SOX30: variants seen among roughly 807,000 people sequenced by gnomAD.
SOX30 encodes the protein transcription factor SOX-30.
In SOX30, 17 loss-of-function variants were observed where a neutral mutation model predicts 58.6. That is an observed-to-expected ratio of 0.29 (90% CI 0.20 to 0.44). The LOEUF is 0.44. SOX30 is among the 20% of genes least tolerant of loss of function. SOX30 has a pLI of 1.00. For missense variants in SOX30, 951 were observed against 965.8 expected (o/e 0.98, Z 0.20); for synonymous variants, 421 against 400.2 (o/e 1.05, Z -0.62).
intron 4 of SOX30, among the ~76,000 whole-genome samples, chr5:157,632,413 T>C (rs1430662207): frequency 1.3e-5 from 2 of 152,168 alleles, no homozygotes; most frequent in Admixed American, 6.5e-5. Context: ...TTAGGTCTCA[T>C]TGGATTTCCA....
Position 157,651,307 on chromosome 5 carries a change from G to T in SOX30, c.772C>A (p.Leu258Ile). 1 of 1,614,144 alleles carries T rather than the reference G, an allele frequency of 6.2e-7. No individual in the cohort carries two copies. Among genetic ancestry groups the T allele is most frequent in the Non-Finnish European group, 8.5e-7 (1 of 1,180,044 alleles). Residue 258 changes from leucine (L) to isoleucine (I), a missense_variant, in exon 1 of 5, where the codon CTT (leucine) becomes ATT (isoleucine). Leu to Ile is a conservative substitution (Grantham distance 5, BLOSUM62 2). Transcript: ENST00000265007. ...GTGTGGAGCGTCAAAGGGATCCTAA[G>T]GTCTTGCTGGTGCGGCCCAAAGGCA... The part of the protein sequence containing the change: ...SGAFGPHQQD[L>I]RIPLTLHTVP...
At chr5:157,632,363 T>C (rs960149106) in intron 4 of SOX30, among the ~76,000 whole-genome samples, 10 of 152,206 alleles carry the variant, frequency 6.6e-5, no homozygotes, top group Non-Finnish European at 1.3e-4. Flanking sequence ...TGTGCGTAGC[T>C]CTCTTTTCTC....
At chr5:157,654,690 C>G (rs551641951), upstream of SOX30, among the ~76,000 whole-genome samples, 1 of 152,262 alleles carries the variant, frequency 6.6e-6, no homozygotes, top group South Asian at 2.1e-4. Flanking sequence ...TCATAAAAAC[C>G]TTGCTGATAA....
chr5:157,657,408 A>G (rs1759496885), upstream of SOX30, among the ~76,000 whole-genome samples: 2 of 152,216 alleles, frequency 1.3e-5, no homozygotes, highest in Admixed American at 1.3e-4. Context: ...ATCCTCTTCA[A>G]AAGTTGGTTT....
chr5:157,666,934 G>T (rs948658362), intron 2 of SOX30, among the ~76,000 whole-genome samples: 6 of 152,116 alleles, frequency 3.9e-5, no homozygotes, highest in Non-Finnish European at 8.8e-5. Flanking sequence ...TCCAACTTCT[G>T]ACCTCAGGTA....
intron 2 of SOX30, among the ~76,000 whole-genome samples, chr5:157,664,908 A>C (rs1759643057): frequency 6.6e-6 from 1 of 152,252 alleles, no homozygotes; most frequent in Admixed American, 6.5e-5. Context: ...ATACCGTCTC[A>C]CACCAGTTAG....
intron 1 of SOX30, 78 bp downstream of exon 1, chr5:157,651,034 A>G: frequency 1.8e-6 from 2 of 1,089,300 alleles, no homozygotes; most frequent in South Asian, 3.1e-5. Flanking sequence ...TGTAGTTTAG[A>G]CTTGGGAACT....
Position 157,651,750 on chromosome 5 carries a change from A to C in SOX30, c.329T>G (p.Leu110Arg). 3 of 1,556,326 alleles carry C rather than the reference A, an allele frequency of 1.9e-6. No homozygotes were observed. Among genetic ancestry groups the C allele is most frequent in the South Asian group, 2.3e-5 (2 of 85,952 alleles). Residue 110 changes from leucine to arginine, a missense_variant, in exon 1 of 5, where the codon CTG becomes CGG. This residue lies in a region of SOX30 where 363 missense variants were observed against 294.5 expected (regional missense o/e 1.23). Transcript: ENST00000265007. The stretch of plus-strand genomic sequence containing the variant: ...GCCGTCTGACGCTGTCGGCGGCTGC[A>C]GGAGCCGCAGGTCGGGCCTGAACTG... ...LLQFRPDLRLLQPPTASDGAT... is the reference protein window; with the variant it reads ...LLQFRPDLRLRQPPTASDGAT...
rs990418482 is a variant in SOX30, at chr5:157,652,152, T to G, written c.-74A>C. On this transcript the variant is annotated 5_prime_UTR_variant, in exon 1 of 5. Transcript: ENST00000265007. ...GCGACCTTCCCCCTCCCCCTTTCGG[T>G]TAAGAGCCTTGCAAGGCCTTTGCTA... 2 of 1,379,104 alleles carry G rather than the reference T, an allele frequency of 1.5e-6. No individual in the cohort carries two copies. Among genetic ancestry groups the G allele is most frequent in the African/African-American group, 1.5e-5 (1 of 65,312 alleles). The allele number at this position is 1,379,104 out of a possible 1,614,324, so 85.4% of individuals were successfully genotyped here. A position where few individuals can be genotyped will look rare whatever the true frequency, so the allele number is the denominator to read the frequency against.
At chr5:157,648,608 T>C in intron 2 of SOX30, 49 bp downstream of exon 2, 1 of 1,562,690 alleles carries the variant, frequency 6.4e-7, no homozygotes, top group Non-Finnish European at 8.7e-7. Context: ...AATCTTTAAC[T>C]AAATAAATTC....
At position 157,652,275 on chromosome 5, in the gene SOX30, C is replaced by T. The variant is rs940664172; in HGVS notation, c.-197G>A. 5 of 1,251,328 alleles carry T rather than the reference C, an allele frequency of 4.0e-6. No homozygotes were observed. The highest frequency in any genetic ancestry group is 1.6e-5 in the African/African-American group (1 of 64,476). 77.5% of individuals were successfully genotyped at this position (1,251,328 alleles called of 1,614,324 possible). A position where few individuals can be genotyped will look rare whatever the true frequency, so the allele number is the denominator to read the frequency against. On this transcript the variant is annotated 5_prime_UTR_variant, in exon 1 of 5. Coordinates refer to ENST00000265007, the MANE Select transcript of SOX30 (RefSeq NM_178424.2). ...GGACGGCCAATCACAGGCGGGTTTT[C>T]CGGCTCTTCCTGGTCCCTACTCTCG...
At chr5:157,635,020 T>A (rs1758893473) in intron 4 of SOX30, among the ~76,000 whole-genome samples, 1 of 152,234 alleles carries the variant, frequency 6.6e-6, no homozygotes, top group African/African-American at 2.4e-5. Context: ...CAATTAATTT[T>A]GGCATTTAGG....
intron 4 of SOX30, among the ~76,000 whole-genome samples, chr5:157,637,496 A>G (rs1414791346): frequency 6.6e-6 from 1 of 152,162 alleles, no homozygotes; most frequent in Non-Finnish European, 1.5e-5. Flanking sequence ...CAGGCGTACT[A>G]TACTCCCATA....
rs776396629 is a variant in SOX30 at position 157,638,301 on chromosome 5, C to G, written c.1809G>C (p.Leu603=). 67 of 1,604,612 alleles carry G rather than the reference C, an allele frequency of 4.2e-5. No individual in the cohort carries two copies. The highest frequency in any genetic ancestry group is 1.1e-5 in the Non-Finnish European group (13 of 1,174,756). The change falls in exon 4 of 5, where the codon CTG becomes CTC. Residue 603 remains leucine, a synonymous_variant. Transcript: ENST00000265007. ...AAGAGAATCTTGGTGGTGTCCCGAA[C>G]AGTGTGGCTGGATGGCCAAGGGGAG... ...QPPPLGHPAT[L]FGTPPRFSFH...
chr5:157,654,782 T>C (rs1179904595), upstream of SOX30, among the ~76,000 whole-genome samples: 1 of 152,166 alleles, frequency 6.6e-6, no homozygotes, highest in Admixed American at 6.5e-5. Context: ...TCCTCACTAC[T>C]ACACTCACAC....
chr5:157,659,206 T>C (rs1759532903), intron 2 of SOX30, among the ~76,000 whole-genome samples: 3 of 152,268 alleles, frequency 2.0e-5, no homozygotes, highest in Admixed American at 1.3e-4. Context: ...CACTTTACTC[T>C]GTGGACTCAT....
Position 157,629,251 on chromosome 5 carries a change from C to T in SOX30, c.1881-2530G>A, listed in dbSNP as rs115078002. Among the ~76,000 whole-genome samples the T allele has an allele frequency of 3.8e-3, 576 of 152,140 alleles. 8 individuals are homozygous for T. Among genetic ancestry groups the T allele is most frequent in the South Asian group, 0.023 (110 of 4,818 alleles). On this transcript the variant is annotated intron_variant, in intron 4 of 4. Coordinates refer to ENST00000265007, the MANE Select transcript of SOX30 (RefSeq NM_178424.2). ...TTACACATTTTATACATATTTATGA[C>T]AAGTACCCCATAAATACGTAAAATG... is the stretch of plus-strand genomic sequence containing the variant.
chr5:157,631,047 TTATATA>T (rs755427047), intron 4 of SOX30, among the ~76,000 whole-genome samples: 166 of 53,106 alleles, frequency 3.1e-3, no homozygotes, highest in Non-Finnish European at 5.0e-3. Flanking sequence ...TATATATATT[TTATATA>T]TATATATATA....
intron 4 of SOX30, among the ~76,000 whole-genome samples, chr5:157,628,077 G>A (rs546967310): frequency 5.3e-5 from 8 of 152,038 alleles, no homozygotes; most frequent in African/African-American, 1.4e-4. Flanking sequence ...CTACTCAGGA[G>A]GCTGACGCAG....
Sources: allele counts gnomAD v4.1 joint callset (sites outside exome capture counted in the v4.1 genomes callset), GRCh38; gene constraint gnomAD v4.1.1; regional missense constraint gnomAD v4.1.1; transcripts MANE v1.5; gene names NCBI Gene and HGNC (gene_info 2026-07-23, HGNC 2026-07-21).